The following COIL variants were observed in gnomAD, a reference collection of about 807,000 sequenced individuals.
The protein encoded by COIL is coilin.
Under a neutral mutation model 51.6 loss-of-function variants are expected in COIL, and 28 were observed. The observed-to-expected ratio is 0.54, with a 90% CI of 0.40 to 0.74. The LOEUF is 0.74. Among genes scored for constraint, COIL ranks in the 30% least tolerant of loss-of-function variants. The pLI, the probability that COIL is intolerant of heterozygous loss-of-function variation, is 0.00. For missense variants in COIL, 667 were observed against 685.9 expected, an observed-to-expected ratio of 0.97 and a Z score of 0.31; for synonymous variants, 233 against 255.8, an observed-to-expected ratio of 0.91 and a Z score of 0.85.
Position 56,953,576 on chromosome 17 carries a change from T to C in COIL, c.246-2580A>G, listed in dbSNP as rs186809815. On this transcript the variant is annotated intron_variant, in intron 1 of 6. Transcript: ENST00000240316. ...ACACACATTATACTTACAAGGCATTTACATTCAGCTATATATTTCATCAAG... is the reference window on the plus strand; with the variant it reads ...ACACACATTATACTTACAAGGCATTCACATTCAGCTATATATTTCATCAAG... Among the ~76,000 whole-genome samples, 288 of 152,258 alleles carry C rather than the reference T, an allele frequency of 1.9e-3. 1 individual carries two copies. Among genetic ancestry groups the C allele is most frequent in the Middle Eastern group, 0.01 (3 of 294 alleles).
At chr17:56,942,000 A>C in intron 6 of COIL, 35 bp downstream of exon 6, 1 of 1,529,182 alleles carries the variant, frequency 6.5e-7, no homozygotes, top group Non-Finnish European at 9.1e-7. Flanking sequence ...GAGAGAACGA[A>C]TGGCCAAGCA....
chr17:56,956,574 A>G (rs1181841085), intron 1 of COIL, among the ~76,000 whole-genome samples: 1 of 151,538 alleles, frequency 6.6e-6, no homozygotes, highest in African/African-American at 2.4e-5. Flanking sequence ...ACATTTAATC[A>G]ATGTGTTTTT....
chr17:56,951,087 G>A, intron 1 of COIL, 91 bp from the exon 2 acceptor site: 6 of 1,208,602 alleles, frequency 5.0e-6, no homozygotes, highest in Non-Finnish European at 6.7e-6. Context: ...TCTACAAAAT[G>A]TAACTACCAT....
chr17:56,946,653 A>T (rs1055750580), intron 4 of COIL, 142 bp from the exon 5 acceptor site: 19 of 574,898 alleles, frequency 3.3e-5, no homozygotes, highest in Admixed American at 1.3e-4. Flanking sequence ...AAAATTTAGA[A>T]ATAAATCCAC....
At chr17:56,953,433 AC>A in intron 1 of COIL, among the ~76,000 whole-genome samples, 1 of 144,380 alleles carries the variant, frequency 6.9e-6, no homozygotes, top group Non-Finnish European at 1.5e-5. Context: ...AAAAAAAAAT[AC>A]AAACATTAGG....
rs375118228 is a variant in COIL, at chr17:56,951,192, C to T, written c.246-196G>A. The stretch of plus-strand genomic sequence containing the variant: ...TTACTCACAGTCAACTTTCAAATGG[C>T]TAGTTTTATTTATTGAATAGCTACT... On this transcript the variant is annotated intron_variant, in intron 1 of 6. Transcript: ENST00000240316. Among the ~76,000 whole-genome samples, 9 of 152,306 alleles carry T rather than the reference C, an allele frequency of 5.9e-5. 1 individual carries two copies. The highest frequency in any genetic ancestry group is 1.9e-4 in the East Asian group (1 of 5,188).
intron 1 of COIL, among the ~76,000 whole-genome samples, chr17:56,960,533 AAAATAAT>A (rs1910571114): frequency 1.4e-5 from 2 of 147,500 alleles, no homozygotes; most frequent in Admixed American, 6.8e-5. Flanking sequence ...CAAAAAAAAA[AAAATAAT>A]AATAAAAAAT....
At chr17:56,941,064 G>A (rs1273122045) in intron 6 of COIL, 1 of 150,208 alleles carries the variant, frequency 6.7e-6, no homozygotes, top group Non-Finnish European at 1.5e-5. Context: ...GTGAACCCGG[G>A]AGGCGGAGCT....
chr17:56,958,127 A>G lies in COIL; in HGVS notation c.245+2648T>C, dbSNP rs1272323498. ...TATAACTGTGCTTTGATCATCCAAC[A>G]TTTCCCACCCATTCTTCAAGGTACT... On this transcript the variant is annotated intron_variant, in intron 1 of 6. Coordinates refer to ENST00000240316, the MANE Select transcript of COIL (RefSeq NM_004645.3). Among the ~76,000 whole-genome samples the G allele has an allele frequency of 5.9e-5, 9 of 152,232 alleles. No individual in the cohort carries two copies. The East Asian group carries it at 1.5e-3, about 26-fold the overall frequency.
At position 56,949,887 on chromosome 17, in the gene COIL, A is replaced by C. The variant is rs1406107552; in HGVS notation, c.1353+2T>G. 1 of 1,612,702 alleles carries C rather than the reference A, an allele frequency of 6.2e-7. No individual in the cohort carries two copies. The highest frequency in any genetic ancestry group is 8.5e-7 in the Non-Finnish European group (1 of 1,179,276). ...AGATAACTTACAAAAAATAATACTT[A>C]CCTGGATAATAGTAGATGAATTTTT... On this transcript the variant is annotated splice_donor_variant, in intron 2 of 6. Coordinates refer to ENST00000240316, the MANE Select transcript of COIL (RefSeq NM_004645.3). LOFTEE classifies it high-confidence loss of function.
In COIL at chr17:56,960,832, C is replaced by A. The variant is rs1196373220; in HGVS notation, c.188G>T (p.Gly63Val). 2 of 1,603,428 alleles carry A rather than the reference C, an allele frequency of 1.2e-6. No individual in the cohort carries two copies. The highest frequency in any genetic ancestry group is 1.1e-5 in the South Asian group (1 of 89,696). Residue 63 changes from glycine to valine, a missense_variant, in exon 1 of 7, where the codon GGG becomes GTG. Gly to Val is a moderately radical substitution (Grantham distance 109). Coordinates refer to ENST00000240316, the MANE Select transcript of COIL (RefSeq NM_004645.3). ...SGAFLGLYLE[G>V]GLLPPAESAR... ...GCTCTCGGCGGGGGGCAAGAGCCCC[C>A]CCTCCAGGTAGAGGCCTAGGAAGGC...
At chr17:56,958,124 A>G (rs542859458) in intron 1 of COIL, among the ~76,000 whole-genome samples, 1 of 152,330 alleles carries the variant, frequency 6.6e-6, no homozygotes, top group South Asian at 2.1e-4. Context: ...TTGATCATCC[A>G]ACATTTCCCA....
intron 4 of COIL, among the ~76,000 whole-genome samples, chr17:56,947,691 G>A (rs943987154): frequency 2.6e-5 from 4 of 152,012 alleles, no homozygotes; most frequent in African/African-American, 9.7e-5. Context: ...GGCTGGTCTC[G>A]AACTCCTGAC....
chr17:56,941,668 C>T (rs908754929), intron 6 of COIL, among the ~76,000 whole-genome samples: 1 of 152,164 alleles, frequency 6.6e-6, no homozygotes, highest in Non-Finnish European at 1.5e-5. Context: ...GTTCTATTTC[C>T]TGATCTGGGT....
chr17:56,949,159 C>G (rs1271374327), intron 4 of COIL, among the ~76,000 whole-genome samples: 1 of 151,988 alleles, frequency 6.6e-6, no homozygotes, highest in African/African-American at 2.4e-5. Context: ...AAAAATTAAG[C>G]TCATCATTCT....
chr17:56,952,778 TGTGA>T (rs1404637000), intron 1 of COIL, among the ~76,000 whole-genome samples: 4 of 151,162 alleles, frequency 2.6e-5, no homozygotes, highest in Non-Finnish European at 4.4e-5. Context: ...ATCCCATGTC[TGTGA>T]GTGAGTATTT....
chr17:56,947,470 C>T (rs927329703), intron 4 of COIL, among the ~76,000 whole-genome samples: 1 of 151,872 alleles, frequency 6.6e-6, no homozygotes, highest in Non-Finnish European at 1.5e-5. Flanking sequence ...CAACTAATAC[C>T]AATTTAATAT....
At chr17:56,960,310 G>C (rs756643147) in intron 1 of COIL, among the ~76,000 whole-genome samples, 21 of 150,048 alleles carry the variant, frequency 1.4e-4, no homozygotes, top group Non-Finnish European at 3.1e-4. Context: ...GATCAACTGA[G>C]GTCAGGAGTT....
chr17:56,948,987 A>G (rs1022327798), intron 4 of COIL, among the ~76,000 whole-genome samples: 38 of 152,248 alleles, frequency 2.5e-4, no homozygotes. Flanking sequence ...TAAAAAAATT[A>G]AACTGGCTGG....
Sources: gnomAD v4.1 joint callset for allele counts (sites outside exome capture counted in the v4.1 genomes callset) on GRCh38, gnomAD v4.1.1 for gene constraint, MANE v1.5 for transcripts, NCBI Gene and HGNC (gene_info 2026-07-23, HGNC 2026-07-21) for gene names.